Variants in DPP6 observed in about 807,000 individuals in gnomAD.
The protein encoded by DPP6 is A-type potassium channel modulatory protein DPP6.
In DPP6, 69 loss-of-function variants were observed where a neutral mutation model predicts 122.6. The ratio of observed to expected loss-of-function variants is 0.56; its 90% confidence interval spans 0.46 to 0.69. The LOEUF (loss-of-function observed/expected upper bound fraction) is 0.69, where lower values mean the gene tolerates loss of function less well. Among genes scored for constraint, DPP6 ranks in the 30% least tolerant of loss-of-function variants. The probability of loss-of-function intolerance (pLI) is 0.00; values close to 1 mark genes in which losing one functional copy is unlikely to be tolerated. For synonymous variants in DPP6, 418 were observed against 433.1 expected, an observed-to-expected ratio of 0.97 and a Z score of 0.43; for missense variants, 928 against 1,116.9, an observed-to-expected ratio of 0.83 and a Z score of 2.41.
chr7:154,227,278 T>C (rs930249528), intron 1 of DPP6, among the ~76,000 whole-genome samples: 2 of 144,458 alleles, frequency 1.4e-5, no homozygotes, highest in Non-Finnish European at 3.0e-5. Context: ...AATTCCGCCA[T>C]ATGCTACAAC....
At chr7:153,897,868 C>T (rs983550181) in intron 1 of DPP6, among the ~76,000 whole-genome samples, 1 of 152,172 alleles carries the variant, frequency 6.6e-6, no homozygotes, top group African/African-American at 2.4e-5. Context: ...TCTCCACATC[C>T]TCACCAATAA....
At position 154,762,121 on chromosome 7, in the gene DPP6, C is replaced by T. The variant is rs142411459; in HGVS notation, c.884-7296C>T. Among the ~76,000 whole-genome samples, 956 of 152,266 alleles carry T rather than the reference C, an allele frequency of 6.3e-3. 10 individuals carry two copies. Among genetic ancestry groups the T allele is most frequent in the African/African-American group, 0.022 (902 of 41,544 alleles). On this transcript the variant is annotated intron_variant, in intron 8 of 25. Transcript: ENST00000377770. ...CATGATTCAGTGGCTCCCACCTGGC[C>T]CCGACTCTAGTATCAGAATGACAAT...
chr7:153,996,427 T>C (rs966511384), intron 1 of DPP6, among the ~76,000 whole-genome samples: 4 of 151,956 alleles, frequency 2.6e-5, no homozygotes, highest in African/African-American at 9.7e-5. Context: ...AATCTCATAG[T>C]TTCTTCCTCA....
intron 1 of DPP6, among the ~76,000 whole-genome samples, chr7:154,386,513 G>A (rs1201624820): frequency 6.6e-6 from 1 of 152,090 alleles, no homozygotes; most frequent in Non-Finnish European, 1.5e-5. Flanking sequence ...GTCTTGATGA[G>A]ACACTAAGAC....
At chr7:154,347,221 C>CA (rs1174058182) in intron 1 of DPP6, among the ~76,000 whole-genome samples, 1 of 152,188 alleles carries the variant, frequency 6.6e-6, no homozygotes, top group African/African-American at 2.4e-5. Context: ...GTTGGGTGCA[C>CA]ATTCACAGAG....
At chr7:154,873,898 CCACACACATAGG>C (rs1242618989) in intron 19 of DPP6, among the ~76,000 whole-genome samples, 1 of 145,838 alleles carries the variant, frequency 6.9e-6, no homozygotes, top group African/African-American at 2.6e-5. Flanking sequence ...ACACACGCAC[CCACACACATAGG>C]CACACACACA....
chr7:154,445,075 T>G (rs557972753), intron 1 of DPP6, among the ~76,000 whole-genome samples: 1 of 152,348 alleles, frequency 6.6e-6, no homozygotes, highest in South Asian at 2.1e-4. Flanking sequence ...TATTGCATAT[T>G]GTCTATTTTA....
chr7:154,476,818 C>T (rs1392065914), intron 3 of DPP6, among the ~76,000 whole-genome samples: 1 of 152,154 alleles, frequency 6.6e-6, no homozygotes, highest in Admixed American at 6.5e-5. Flanking sequence ...AATGAGTGAG[C>T]ACAGTGGCTC....
chr7:154,735,740 T>C (rs995816925), intron 8 of DPP6, among the ~76,000 whole-genome samples: 4 of 152,208 alleles, frequency 2.6e-5, no homozygotes, highest in African/African-American at 9.7e-5. Context: ...TTCCATTCCT[T>C]CTGTGCTTCT....
intron 1 of DPP6, among the ~76,000 whole-genome samples, chr7:154,064,511 C>T (rs1404677563): frequency 1.3e-5 from 2 of 152,172 alleles, no homozygotes. Flanking sequence ...AATTGTATAG[C>T]AAACCACTAC....
intron 1 of DPP6, among the ~76,000 whole-genome samples, chr7:154,296,994 G>C (rs1805578404): frequency 6.6e-6 from 1 of 151,966 alleles, no homozygotes; most frequent in Non-Finnish European, 1.5e-5. Context: ...GAAGTGTACT[G>C]CCTTAAGCAG....
At chr7:154,176,178 C>T (rs1400521284) in intron 1 of DPP6, among the ~76,000 whole-genome samples, 1 of 152,224 alleles carries the variant, frequency 6.6e-6, no homozygotes, top group Non-Finnish European at 1.5e-5. Context: ...AGTGTGGATT[C>T]TGAGTCCCTG....
At chr7:154,190,273 C>A (rs1352032578) in intron 1 of DPP6, among the ~76,000 whole-genome samples, 4 of 152,108 alleles carry the variant, frequency 2.6e-5, no homozygotes, top group Non-Finnish European at 5.9e-5. Flanking sequence ...GGGGAGGTCT[C>A]CAGGTGAGTT....
chr7:154,082,222 A>G (rs1363302739), intron 1 of DPP6, among the ~76,000 whole-genome samples: 1 of 152,128 alleles, frequency 6.6e-6, no homozygotes, highest in Admixed American at 6.6e-5. Flanking sequence ...CTTATTTAAT[A>G]TATACTTTCA....
intron 1 of DPP6, among the ~76,000 whole-genome samples, chr7:154,196,797 C>A (rs548992831): frequency 6.6e-6 from 1 of 152,168 alleles, no homozygotes; most frequent in Admixed American, 6.5e-5. Flanking sequence ...GCTCCCCAGG[C>A]TGGCTTTATA....
intron 1 of DPP6, among the ~76,000 whole-genome samples, chr7:153,901,546 A>G (rs1799638921): frequency 6.6e-6 from 1 of 152,270 alleles, no homozygotes; most frequent in South Asian, 2.1e-4. Context: ...AAGTGGTATT[A>G]GATTGATAGG....
intron 1 of DPP6, among the ~76,000 whole-genome samples, chr7:154,075,151 A>G (rs934474974): frequency 6.6e-6 from 1 of 152,078 alleles, no homozygotes; most frequent in East Asian, 1.9e-4. Flanking sequence ...AAATCAAAAA[A>G]TAATAGATGT....
At chr7:154,238,480 A>AGAGT (rs1179945217) in intron 1 of DPP6, among the ~76,000 whole-genome samples, 1 of 152,202 alleles carries the variant, frequency 6.6e-6, no homozygotes, top group Non-Finnish European at 1.5e-5. Context: ...AGGTTAAGTC[A>AGAGT]GAGTCGGATT....
the DPP6 span, among the ~76,000 whole-genome samples, chr7:153,752,464 G>T: frequency 2.0e-5 from 3 of 150,522 alleles, no homozygotes; most frequent in South Asian, 6.3e-4. Context: ...GGTCAGGCTG[G>T]TCTCAAACTC....
Sources: allele counts gnomAD v4.1 joint callset (sites outside exome capture counted in the v4.1 genomes callset), GRCh38; gene constraint gnomAD v4.1.1; transcripts MANE v1.5; gene names NCBI Gene and HGNC (gene_info 2026-07-23, HGNC 2026-07-21).